Variants in EIF3K observed in about 807,000 individuals in gnomAD.
The protein encoded by EIF3K is eIF-3 p28.
A neutral mutation model predicts 34.2 loss-of-function variants in EIF3K; 27 were observed. The observed-to-expected ratio is 0.79, with a 90% CI of 0.58 to 1.09. The LOEUF is 1.09. EIF3K is among the 50% of genes least tolerant of loss of function. EIF3K has a pLI of 0.00. For synonymous variants in EIF3K, 105 were observed against 105.7 expected (o/e 0.99, Z 0.04); for missense variants, 232 against 275.4 (o/e 0.84, Z 1.11).
intron 2 of EIF3K, 76 bp downstream of exon 2, chr19:38,620,511 G>T (rs1599728606): frequency 8.0e-7 from 1 of 1,242,346 alleles, no homozygotes; most frequent in African/African-American, 1.5e-5. Context: ...GGGCAAGGGG[G>T]TGGCTGGTAG....
intron 4 of EIF3K, among the ~76,000 whole-genome samples, chr19:38,629,661 C>A (rs1472852760): frequency 6.6e-6 from 1 of 152,166 alleles, no homozygotes; most frequent in Non-Finnish European, 1.5e-5. Context: ...GATTCCCTCC[C>A]TTTTGTTGGA....
At chr19:38,636,787 A>G in intron 7 of EIF3K, 102 bp from the exon 8 acceptor site, 2 of 1,345,994 alleles carry the variant, frequency 1.5e-6, no homozygotes, top group Non-Finnish European at 2.1e-6. Context: ...GCCTGGAAGG[A>G]GTTTATGATC....
rs1179115522 is a variant in EIF3K, at chr19:38,635,577, A to C, written c.625+459A>C. 27 of 209,568 alleles carry C rather than the reference A, an allele frequency of 1.3e-4. 1 individual carries two copies. The highest frequency in any genetic ancestry group is 9.8e-6 in the Non-Finnish European group (1 of 102,330). 13.0% of individuals were successfully genotyped at this position (209,568 alleles called of 1,614,324 possible). On this transcript the variant is annotated intron_variant, in intron 7 of 7. Coordinates refer to ENST00000248342, the MANE Select transcript of EIF3K (RefSeq NM_013234.4). ...AAAAATGGGGACGACTGCAACAGTAACTATGATAAACACTGTGTAGGTCCT... is the reference window on the plus strand; with the variant it reads ...AAAAATGGGGACGACTGCAACAGTACCTATGATAAACACTGTGTAGGTCCT...
At chr19:38,621,740 C>G (rs1975844948) in intron 2 of EIF3K, among the ~76,000 whole-genome samples, 1 of 152,156 alleles carries the variant, frequency 6.6e-6, no homozygotes, top group African/African-American at 2.4e-5. Flanking sequence ...TGCTACTCAG[C>G]ACTGGGTTTG....
intron 2 of EIF3K, 93 bp from the exon 3 acceptor site, chr19:38,623,984 C>G (rs1483993326): frequency 1.5e-5 from 23 of 1,581,248 alleles, no homozygotes; most frequent in Non-Finnish European, 2.0e-5. Context: ...TGTCCAATTC[C>G]CAAACTCCAG....
intron 7 of EIF3K, among the ~76,000 whole-genome samples, chr19:38,636,305 G>A (rs1976191060): frequency 6.6e-6 from 1 of 152,092 alleles, no homozygotes; most frequent in Non-Finnish European, 1.5e-5. Flanking sequence ...TAGACGGGAG[G>A]GTTCCCTCTG....
rs1231525669 is a variant in EIF3K at position 38,624,137 on chromosome 19, C to T, written c.219C>T (p.Ala73=). 6.2e-7 allele frequency: 1 copy of T among 1,614,178 alleles called. No individual in the cohort carries two copies. The highest frequency in any genetic ancestry group is 1.7e-5 in the Admixed American group (1 of 60,014). The part of the protein sequence containing the change: ...TTVTAQILLK[A]LTNLPHTDFT... Reference sequence around the variant, plus strand: ...TCACCGCCCAGATCCTGCTGAAGGCCCTCACCAACTTGCCGCACACAGACT... The same window carrying T: ...TCACCGCCCAGATCCTGCTGAAGGCTCTCACCAACTTGCCGCACACAGACT... Residue 73 remains alanine (A), a synonymous_variant, in exon 3 of 8, where the codon GCC becomes GCT. Transcript: ENST00000248342.
At position 38,627,905 on chromosome 19, in the gene EIF3K, C is replaced by CTTTTTTTT. The variant is rs60551864; in HGVS notation, c.354+1809_354+1816dup. 9.2e-3 allele frequency among the ~76,000 whole-genome samples: 1,283 copies of CTTTTTTTT among 140,180 alleles called. 35 individuals carry two copies. The highest frequency in any genetic ancestry group is 0.033 in the African/African-American group (1,214 of 37,140). The allele number at this position is 140,180 out of a possible 152,430, so 92.0% of individuals were successfully genotyped here. On this transcript the variant is annotated intron_variant, in intron 4 of 7. Coordinates refer to ENST00000248342, the MANE Select transcript of EIF3K (RefSeq NM_013234.4). ...ACCTCTGAGGCATTTATTTTCTTTCCTTTTTTTTTTTTTGTTTGAGACCAT... is the reference window on the plus strand; with the variant it reads ...ACCTCTGAGGCATTTATTTTCTTTCCTTTTTTTTTTTTTTTTTTTTTGTTTGAGACCAT...
intron 7 of EIF3K, chr19:38,635,731 A>G: frequency 6.6e-6 from 1 of 152,424 alleles, no homozygotes. Context: ...AGTTCATTAA[A>G]TGTTCATTAT....
chr19:38,622,360 C>T (rs1289336089), intron 2 of EIF3K, among the ~76,000 whole-genome samples: 3 of 152,032 alleles, frequency 2.0e-5, no homozygotes, highest in South Asian at 2.1e-4. Flanking sequence ...GCTGGGCGTC[C>T]GGGGGAGACA....
rs767576459 is a variant in EIF3K, at chr19:38,635,092, A to G, written c.599A>G (p.Asn200Ser). ...CAAGAAGAGAGCATTAAACCCAAGA[A>G]CATTGTGGAGAAGATTGACTTTGAC... Reference protein sequence around the residue: ...CSQEESIKPKNIVEKIDFDSV... With the variant: ...CSQEESIKPKSIVEKIDFDSV... The change falls in exon 7 of 8, where the codon AAC becomes AGC. Residue 200 changes from asparagine to serine, a missense_variant. Physicochemically the swap from Asn to Ser is conservative, Grantham distance 46 (BLOSUM62 1). Coordinates refer to ENST00000248342, the MANE Select transcript of EIF3K (RefSeq NM_013234.4). 53 of 1,614,020 alleles carry G rather than the reference A, an allele frequency of 3.3e-5. No homozygotes were observed. The highest frequency in any genetic ancestry group is 4.2e-5 in the Non-Finnish European group (50 of 1,180,016).
At position 38,630,353 on chromosome 19, in the gene EIF3K, T is replaced by TA. The variant is rs1471233384; in HGVS notation, c.355-2077_355-2076insA. ...ATTATTTATTTATTTATTTATTTTTTTTTTTTTTTGAGATGGAGTCTCGCG... is the reference window on the plus strand; with the variant it reads ...ATTATTTATTTATTTATTTATTTTTTATTTTTTTTTGAGATGGAGTCTCGCG... On this transcript the variant is annotated intron_variant, in intron 4 of 7. Coordinates refer to ENST00000248342, the MANE Select transcript of EIF3K (RefSeq NM_013234.4). Among the ~76,000 whole-genome samples the TA allele has an allele frequency of 1.0e-2, 1,488 of 149,268 alleles. 17 individuals carry two copies. Among genetic ancestry groups the TA allele is most frequent in the African/African-American group, 0.032 (1,328 of 41,044 alleles).
chr19:38,628,432 C>G (rs1486242381), intron 4 of EIF3K: 1 of 152,492 alleles, frequency 6.6e-6, no homozygotes, highest in Non-Finnish European at 1.5e-5. Flanking sequence ...AGCTTCTCAG[C>G]TCACCCCCAC....
intron 2 of EIF3K, 149 bp from the exon 3 acceptor site, chr19:38,623,928 G>C (rs1349399509): frequency 8.0e-7 from 1 of 1,257,576 alleles, no homozygotes; most frequent in African/African-American, 1.5e-5. Context: ...GGGAGGTGAA[G>C]GTTACACAGC....
rs370051027 is a variant in EIF3K at position 38,619,338 on chromosome 19, G to C, written c.59+11G>C. On this transcript the variant is annotated intron_variant, in intron 1 of 7. Coordinates refer to ENST00000248342, the MANE Select transcript of EIF3K (RefSeq NM_013234.4). ...CAAGGGTATCGACAGGTCTGAGCCC[G>C]GTTGGAGGAAGCGCTCTGGCCAAGC... 3 of 1,613,536 alleles carry C rather than the reference G, an allele frequency of 1.9e-6. No individual in the cohort carries two copies. The highest frequency in any genetic ancestry group is 1.3e-5 in the African/African-American group (1 of 75,060).
intron 6 of EIF3K, among the ~76,000 whole-genome samples, chr19:38,633,235 TC>T (rs1976109418): frequency 6.6e-6 from 1 of 152,024 alleles, no homozygotes; most frequent in African/African-American, 2.4e-5. Context: ...ATGTGGGGCC[TC>T]GGGAGGACCT....
chr19:38,627,905 C>CTTTTTTTTT (rs60551864), intron 4 of EIF3K, among the ~76,000 whole-genome samples: 19 of 140,266 alleles, frequency 1.4e-4, no homozygotes, highest in African/African-American at 4.3e-4. Flanking sequence ...ATTTTCTTTC[C>CTTTTTTTTT]TTTTTTTTTT....
chr19:38,628,021 C>G (rs1228245350), intron 4 of EIF3K, among the ~76,000 whole-genome samples: 1 of 151,888 alleles, frequency 6.6e-6, no homozygotes, highest in Non-Finnish European at 1.5e-5. Context: ...TTTCCTGTCT[C>G]AGCCTCCCAG....
intron 7 of EIF3K, 64 bp from the exon 8 acceptor site, chr19:38,636,825 G>A (rs11667512): frequency 6.3e-7 from 1 of 1,585,904 alleles, no homozygotes; most frequent in African/African-American, 1.3e-5. Context: ...GGGTGCTGTA[G>A]CAGGTGGCTG....
Sources: gnomAD v4.1 joint callset for allele counts (sites outside exome capture counted in the v4.1 genomes callset) on GRCh38, gnomAD v4.1.1 for gene constraint, MANE v1.5 for transcripts, NCBI Gene and HGNC (gene_info 2026-07-23, HGNC 2026-07-21) for gene names.